The following BICC1 variants were observed in gnomAD, a reference collection of about 807,000 sequenced individuals.
The protein encoded by BICC1 is BicC family RNA binding protein 1.
BICC1 carries 43 observed loss-of-function variants against 111.0 expected under a neutral mutation model. The ratio of observed to expected loss-of-function variants is 0.39; its 90% CI spans 0.30 to 0.50. BICC1 has a LOEUF of 0.50. BICC1 is among the 20% of genes least tolerant of loss of function. BICC1 has a pLI of 0.88. For synonymous variants in BICC1, 467 were observed against 434.4 expected (o/e 1.07, Z -0.93); for missense variants, 1,091 against 1,203.2 (o/e 0.91, Z 1.38).
intron 3 of BICC1, among the ~76,000 whole-genome samples, chr10:58,714,871 TAA>T (rs544106801): frequency 1.0e-3 from 118 of 117,458 alleles, no homozygotes; most frequent in Admixed American, 1.1e-3. Flanking sequence ...TCTCATTAGC[TAA>T]AAAAAAAAAA....
At chr10:58,590,416 AG>A (rs1209791276) in intron 1 of BICC1, among the ~76,000 whole-genome samples, 2 of 152,190 alleles carry the variant, frequency 1.3e-5, no homozygotes, top group Non-Finnish European at 2.9e-5. Context: ...ACTCATTATA[AG>A]GAAGTCTATT....
chr10:58,702,636 C>T (rs1008761034), intron 3 of BICC1, among the ~76,000 whole-genome samples: 19 of 152,088 alleles, frequency 1.2e-4, no homozygotes, highest in African/African-American at 4.6e-4. Context: ...GTTTCCCTTG[C>T]CTGGTTTTAC....
At chr10:58,604,578 G>A (rs1304627210) in intron 1 of BICC1, among the ~76,000 whole-genome samples, 4 of 152,202 alleles carry the variant, frequency 2.6e-5, no homozygotes, top group South Asian at 4.2e-4. Flanking sequence ...GGAGAATGGC[G>A]TGAACCCGGG....
chr10:58,694,085 T>A (rs1296585378), intron 2 of BICC1, among the ~76,000 whole-genome samples: 1 of 152,098 alleles, frequency 6.6e-6, no homozygotes, highest in African/African-American at 2.4e-5. Context: ...GCATCTGGAG[T>A]CACTCAAATA....
At chr10:58,619,111 A>G (rs984552175) in intron 1 of BICC1, among the ~76,000 whole-genome samples, 5 of 152,198 alleles carry the variant, frequency 3.3e-5, no homozygotes, top group African/African-American at 1.2e-4. Context: ...TGGCTAATTC[A>G]ATATAATCTT....
chr10:58,542,797 A>C (rs924588981), intron 1 of BICC1, among the ~76,000 whole-genome samples: 3 of 152,084 alleles, frequency 2.0e-5, no homozygotes, highest in African/African-American at 4.8e-5. Flanking sequence ...AGGAAATGTA[A>C]CTCAAAACCA....
chr10:58,519,367 T>C (rs750838860), intron 1 of BICC1, among the ~76,000 whole-genome samples: 24 of 152,224 alleles, frequency 1.6e-4, no homozygotes, highest in Non-Finnish European at 3.4e-4. Context: ...GGAATGTATC[T>C]TCTTTTTCCA....
Position 58,789,274 on chromosome 10 carries a change from T to G in BICC1, c.613T>G (p.Leu205Val). Residue 205 changes from leucine to valine, a missense_variant, in exon 7 of 21, where the codon TTG becomes GTG. Leu to Val is a conservative substitution (Grantham distance 32). This residue lies in a region of BICC1 where 843 missense variants were observed against 900.8 expected (regional missense o/e 0.94). Transcript: ENST00000373886. ...ARVRIRELLP[L>V]VLMFELPIAG... ...CATTTCATTTTAGGAGCTGCTTCCT[T>G]TGGTGCTGATGTTTGAGCTACCAAT... The G allele has an allele frequency of 6.2e-7, 1 of 1,613,542 alleles. No individual in the cohort carries two copies. The highest frequency in any genetic ancestry group is 8.5e-7 in the Non-Finnish European group (1 of 1,179,728).
chr10:58,575,117 AC>A (rs1390771071), intron 1 of BICC1, among the ~76,000 whole-genome samples: 1 of 151,670 alleles, frequency 6.6e-6, no homozygotes, highest in African/African-American at 2.4e-5. Flanking sequence ...GCACCTATCA[AC>A]TCATCATCTA....
intron 1 of BICC1, among the ~76,000 whole-genome samples, chr10:58,597,388 C>G (rs568562977): frequency 3.2e-4 from 49 of 152,260 alleles, no homozygotes; most frequent in African/African-American, 1.1e-3. Flanking sequence ...TCTGAGGGAA[C>G]AGGACAAAGG....
rs1322190352 is a variant in BICC1 at position 58,621,956 on chromosome 10, G to GAACAGAACAGAAC, written c.237+1057_237+1058insCAGAACAGAACAA. Among the ~76,000 whole-genome samples, 32 of 51,162 alleles carry GAACAGAACAGAAC rather than the reference G, an allele frequency of 6.3e-4. 4 individuals are homozygous for GAACAGAACAGAAC. Among genetic ancestry groups the GAACAGAACAGAAC allele is most frequent in the African/African-American group, 1.2e-3 (13 of 11,260 alleles). The allele number at this position is 51,162 out of a possible 152,430, so 33.6% of individuals were successfully genotyped here. A position where few individuals can be genotyped will look rare whatever the true frequency, so the allele number is the denominator to read the frequency against. The stretch of plus-strand genomic sequence containing the variant: ...GAATAGAATAGAATAGAATAGAATA[G>GAACAGAACAGAAC]AATAGAATAGAATAATCCAGCCTGG... On this transcript the variant is annotated intron_variant, in intron 2 of 20. Transcript: ENST00000373886.
At chr10:58,672,515 A>G (rs1839214405) in intron 2 of BICC1, among the ~76,000 whole-genome samples, 1 of 152,298 alleles carries the variant, frequency 6.6e-6, no homozygotes. Context: ...TTTTCTGATT[A>G]TTAGACTAGT....
At position 58,583,122 on chromosome 10, in the gene BICC1, A is replaced by G. The variant is rs1219732053; in HGVS notation, c.191-37733A>G. Among the ~76,000 whole-genome samples the G allele has an allele frequency of 2.0e-5, 3 of 152,296 alleles. No individual in the cohort carries two copies. In the East Asian group the frequency reaches 5.8e-4, roughly 29 times the overall value. On this transcript the variant is annotated intron_variant, in intron 1 of 20. Coordinates refer to ENST00000373886, the MANE Select transcript of BICC1 (RefSeq NM_001080512.3). ...TGGTTCCTCTATCAGTTGAAGAAAT[A>G]GATGTCTCCGAGTTGTTATTGTTGA... is the stretch of plus-strand genomic sequence containing the variant.
chr10:58,608,289 A>G (rs1259956037), intron 1 of BICC1, among the ~76,000 whole-genome samples: 1 of 152,120 alleles, frequency 6.6e-6, no homozygotes, highest in Non-Finnish European at 1.5e-5. Context: ...TGGTGAAGAA[A>G]GTGTTCGCCA....
Position 58,601,201 on chromosome 10 carries a change from A to AG in BICC1, c.191-19654_191-19653insG, listed in dbSNP as rs1845028266. 2.8e-5 allele frequency among the ~76,000 whole-genome samples: 4 copies of AG among 143,154 alleles called. No homozygotes were observed. The East Asian group carries it at 6.1e-4, about 22-fold the overall frequency. 93.9% of individuals were successfully genotyped at this position (143,154 alleles called of 152,430 possible). On this transcript the variant is annotated intron_variant, in intron 1 of 20. Coordinates refer to ENST00000373886, the MANE Select transcript of BICC1 (RefSeq NM_001080512.3). Reference sequence around the variant, plus strand: ...CAATAAAATTTGGAAAATAAAAAAAATTTAATATAATCATACTCTTCCCTG... The same window carrying AG: ...CAATAAAATTTGGAAAATAAAAAAAAGTTTAATATAATCATACTCTTCCCTG...
chr10:58,542,384 G>T (rs1024072376), intron 1 of BICC1, among the ~76,000 whole-genome samples: 1 of 152,020 alleles, frequency 6.6e-6, no homozygotes, highest in African/African-American at 2.4e-5. Context: ...AATGGATTAA[G>T]ACCTAAATGT....
At chr10:58,563,901 C>T (rs1210617034) in intron 1 of BICC1, among the ~76,000 whole-genome samples, 1 of 115,952 alleles carries the variant, frequency 8.6e-6, no homozygotes, top group Non-Finnish European at 2.0e-5. Context: ...TATTTGAGTA[C>T]TCAAACACAT....
At chr10:58,571,785 T>C (rs1042302335) in intron 1 of BICC1, among the ~76,000 whole-genome samples, 3 of 152,106 alleles carry the variant, frequency 2.0e-5, no homozygotes, top group Admixed American at 1.3e-4. Context: ...TTGTGAAAAA[T>C]GGCGCAGTGA....
At chr10:58,816,155 A>T (rs571968085) in intron 18 of BICC1, among the ~76,000 whole-genome samples, 159 of 152,304 alleles carry the variant, frequency 1.0e-3, no homozygotes, top group African/African-American at 3.7e-3. Context: ...CATAAATTAT[A>T]TGGGCAGCCT....
Sources: gnomAD v4.1 joint callset for allele counts (sites outside exome capture counted in the v4.1 genomes callset) on GRCh38, gnomAD v4.1.1 for gene constraint, gnomAD v4.1.1 regional missense constraint, MANE v1.5 for transcripts, NCBI Gene and HGNC (gene_info 2026-07-23, HGNC 2026-07-21) for gene names.